The following SMG7 variants were observed in gnomAD, a reference collection of about 807,000 sequenced individuals.
SMG7 encodes nonsense-mediated mRNA decay factor SMG7.
In SMG7, 34 loss-of-function variants were observed where a neutral mutation model predicts 148.2. The ratio of observed to expected loss-of-function variants is 0.23; its 90% CI spans 0.17 to 0.31. The LOEUF is 0.31. SMG7 is among the 10% of genes least tolerant of loss of function. The pLI, the probability that SMG7 is intolerant of heterozygous loss-of-function variation, is 1.00. For synonymous variants in SMG7, 492 were observed against 515.1 expected (o/e 0.96, Z 0.61); for missense variants, 1,114 against 1,408.4 (o/e 0.79, Z 3.35).
At chr1:183,490,086 G>T (rs781679765) in intron 1 of SMG7, among the ~76,000 whole-genome samples, 3 of 152,200 alleles carry the variant, frequency 2.0e-5, no homozygotes, top group Non-Finnish European at 4.4e-5. Context: ...ATGGTATTGA[G>T]TACTGAGAGT....
chr1:183,511,503 G>T (rs557564016), intron 1 of SMG7, among the ~76,000 whole-genome samples: 2 of 152,266 alleles, frequency 1.3e-5, no homozygotes, highest in South Asian at 4.1e-4. Flanking sequence ...AAGAAGCAGG[G>T]TATACTGGAG....
chr1:183,494,362 G>T (rs1571827630), intron 1 of SMG7, among the ~76,000 whole-genome samples: 1 of 148,208 alleles, frequency 6.7e-6, no homozygotes, highest in Non-Finnish European at 1.5e-5. Context: ...GACTTTTTTG[G>T]TTTTTGTTTT....
At chr1:183,539,799 G>T (rs886592240) in intron 12 of SMG7, among the ~76,000 whole-genome samples, 1 of 152,104 alleles carries the variant, frequency 6.6e-6, no homozygotes, top group Non-Finnish European at 1.5e-5. Flanking sequence ...AAGTCCTTCC[G>T]TTTATTTCCC....
chr1:183,519,435 C>T (rs867319534), intron 4 of SMG7, among the ~76,000 whole-genome samples: 1 of 151,414 alleles, frequency 6.6e-6, no homozygotes, highest in Admixed American at 6.6e-5. Flanking sequence ...AAGATTAATT[C>T]ATTTTACAAG....
At chr1:183,530,957 A>C (rs1382306235) in intron 8 of SMG7, among the ~76,000 whole-genome samples, 3 of 152,124 alleles carry the variant, frequency 2.0e-5, no homozygotes, top group Non-Finnish European at 4.4e-5. Context: ...CTCAAACACT[A>C]ACACTCTCTT....
chr1:183,518,259 T>C (rs1215773395), intron 4 of SMG7, among the ~76,000 whole-genome samples: 2 of 151,840 alleles, frequency 1.3e-5, no homozygotes, highest in Non-Finnish European at 2.9e-5. Context: ...ATAATCTCAA[T>C]GCAAATGTCC....
chr1:183,474,656 G>A (rs1334329821), intron 1 of SMG7, among the ~76,000 whole-genome samples: 2 of 152,232 alleles, frequency 1.3e-5, no homozygotes, highest in Non-Finnish European at 2.9e-5. Context: ...GAGGAAATCA[G>A]GAAAGACTTT....
chr1:183,509,269 G>A (rs1017979744), intron 1 of SMG7, among the ~76,000 whole-genome samples: 1 of 152,156 alleles, frequency 6.6e-6, no homozygotes, highest in African/African-American at 2.4e-5. Flanking sequence ...AAAAATTTCA[G>A]ATATAATCTA....
chr1:183,526,912 AC>A, intron 5 of SMG7, 145 bp downstream of exon 5: 1 of 615,744 alleles, frequency 1.6e-6, no homozygotes, highest in Non-Finnish European at 2.5e-6. Flanking sequence ...ATTCTAAGGA[AC>A]TTAAAATTTC....
intron 1 of SMG7, among the ~76,000 whole-genome samples, chr1:183,501,789 C>G (rs1350255639): frequency 2.0e-5 from 3 of 152,076 alleles, no homozygotes; most frequent in African/African-American, 4.8e-5. Flanking sequence ...AAATGAGAAT[C>G]GAAAAACGTG....
chr1:183,515,507 A>G (rs1663275475), intron 2 of SMG7, among the ~76,000 whole-genome samples: 1 of 152,140 alleles, frequency 6.6e-6, no homozygotes, highest in Admixed American at 6.5e-5. Context: ...CCAACTTGAC[A>G]GTCTGTTATT....
At chr1:183,496,341 T>A (rs532433125) in intron 1 of SMG7, among the ~76,000 whole-genome samples, 1 of 152,342 alleles carries the variant, frequency 6.6e-6, no homozygotes, top group East Asian at 1.9e-4. Flanking sequence ...TGTTTCTCTA[T>A]TGGATCTTTT....
intron 16 of SMG7, 110 bp downstream of exon 16, chr1:183,545,422 A>G (rs900618718): frequency 7.9e-6 from 10 of 1,272,232 alleles, no homozygotes; most frequent in Admixed American, 2.2e-5. Context: ...GCTTAGATTT[A>G]TAGTGATTAT....
Position 183,544,410 on chromosome 1 carries a change from G to A in SMG7, c.1900G>A (p.Val634Ile). The A allele has an allele frequency of 6.2e-7, 1 of 1,613,890 alleles. No homozygotes were observed. Among genetic ancestry groups the A allele is most frequent in the South Asian group, 1.1e-5 (1 of 91,076 alleles). The change falls in exon 15 of 23, where the codon GTA (valine) becomes ATA (isoleucine). Residue 634 changes from valine to isoleucine, a missense_variant. Physicochemically the swap from Val to Ile is conservative, Grantham distance 29. Around this residue, in one of 4 missense-constraint regions of SMG7, gnomAD observed 788 missense variants for 894.5 expected, o/e 0.88. Coordinates refer to ENST00000688051, the MANE Select transcript of SMG7 (RefSeq NM_001375584.1). ...AGTGTCTGAAGCCAGAAAAACACCT[G>A]TAACTCAAACCCCAACTCAAGCAAG... ...TPVSEARKTP[V>I]TQTPTQASNS... is the part of the protein sequence containing the mutation.
intron 11 of SMG7, among the ~76,000 whole-genome samples, chr1:183,537,859 T>C (rs1286470907): frequency 6.6e-6 from 1 of 152,236 alleles, no homozygotes; most frequent in African/African-American, 2.4e-5. Context: ...TAAATAATGC[T>C]GCACTGAACA....
At chr1:183,550,966 T>G (rs1408503736) in intron 21 of SMG7, 45 bp downstream of exon 21, 1 of 1,613,762 alleles carries the variant, frequency 6.2e-7, no homozygotes, top group East Asian at 2.2e-5. Context: ...AAGAATTTAC[T>G]CTATCCTTCC....
chr1:183,521,308 A>G (rs1664714773), intron 4 of SMG7, among the ~76,000 whole-genome samples: 1 of 152,174 alleles, frequency 6.6e-6, no homozygotes, highest in Admixed American at 6.5e-5. Flanking sequence ...CATGTTGGCC[A>G]GGCTGGTCTC....
chr1:183,527,928 T>C lies in SMG7; in HGVS notation c.485-28T>C. On this transcript the variant is annotated intron_variant, in intron 5 of 22. Coordinates refer to ENST00000688051, the MANE Select transcript of SMG7 (RefSeq NM_001375584.1). The surrounding 1 kb of genome is among the most constrained non-coding windows in gnomAD (Gnocchi z 4.0). The stretch of plus-strand genomic sequence containing the variant: ...CTACCCTACTGTTTGTTTTTTGGGT[T>C]TTTTAAAACTAATTTTCTTCTTCTT... The C allele has an allele frequency of 1.9e-6, 3 of 1,600,348 alleles. No individual in the cohort carries two copies. In the South Asian group the frequency reaches 3.3e-5, roughly 18 times the overall value.
Position 183,522,065 on chromosome 1 carries a change from G to A in SMG7, c.312+4245G>A, listed in dbSNP as rs563393312. Among the ~76,000 whole-genome samples, 18 of 152,240 alleles carry A rather than the reference G, an allele frequency of 1.2e-4. No individual in the cohort carries two copies. The South Asian group carries it at 3.7e-3, about 32-fold the overall frequency. ...TTGAATTTCTGGAATCAGAGTAAAG[G>A]AGGAGTCAAAGCAAATACAATTATC... is the stretch of plus-strand genomic sequence containing the variant. On this transcript the variant is annotated intron_variant, in intron 4 of 22. Coordinates refer to ENST00000688051, the MANE Select transcript of SMG7 (RefSeq NM_001375584.1).
Sources: gnomAD v4.1 joint callset for allele counts (sites outside exome capture counted in the v4.1 genomes callset) on GRCh38, gnomAD v4.1.1 for gene constraint, gnomAD v4.1.1 regional missense constraint, Gnocchi (gnomAD v3.1) non-coding constraint, MANE v1.5 for transcripts, NCBI Gene and HGNC (gene_info 2026-07-23, HGNC 2026-07-21) for gene names.